The following IGFBP5 variants were observed in gnomAD, a reference collection of about 807,000 sequenced individuals.
IGFBP5 encodes insulin-like growth factor-binding protein 5.
Under a neutral mutation model 28.0 loss-of-function variants are expected in IGFBP5, and 12 were observed. The observed-to-expected ratio is 0.43, with a 90% CI of 0.27 to 0.69. The LOEUF is 0.69. Ranked by LOEUF, IGFBP5 falls within the 30% of genes least tolerant of loss-of-function variation. The pLI is 0.20. For missense variants in IGFBP5, 344 were observed against 381.6 expected (o/e 0.90, Z 0.82); for synonymous variants, 152 against 150.2 (o/e 1.01, Z -0.09).
intron 1 of IGFBP5, among the ~76,000 whole-genome samples, chr2:216,686,463 G>C (rs1689035488): frequency 6.6e-6 from 1 of 151,918 alleles, no homozygotes; most frequent in Admixed American, 6.6e-5. Flanking sequence ...TACATAAAAT[G>C]AAATATTAGC....
chr2:216,687,873 G>A (rs934149463), intron 1 of IGFBP5, among the ~76,000 whole-genome samples: 8 of 152,154 alleles, frequency 5.3e-5, no homozygotes, highest in African/African-American at 1.7e-4. Flanking sequence ...TAGGGTTTAC[G>A]CTTCTCTCCT....
chr2:216,681,120 G>A (rs1362274962), intron 1 of IGFBP5, among the ~76,000 whole-genome samples: 1 of 152,172 alleles, frequency 6.6e-6, no homozygotes, highest in Non-Finnish European at 1.5e-5. Flanking sequence ...TAGTAACACA[G>A]GCCTCACGCC....
At position 216,694,535 on chromosome 2, in the gene IGFBP5, G is replaced by A. The variant is rs1208826105; in HGVS notation, c.241C>T (p.Leu81Phe). 2.9e-5 allele frequency: 46 copies of A among 1,577,322 alleles called. No homozygotes were observed. The highest frequency in any genetic ancestry group is 3.5e-5 in the Non-Finnish European group (41 of 1,164,824). ...GGCTTCTCCTCGTCCTGCCGGGGGAGGCAGCGCAGCCCCTGGGCGCAGCGC... is the reference window on the plus strand; with the variant it reads ...GGCTTCTCCTCGTCCTGCCGGGGGAAGCAGCGCAGCCCCTGGGCGCAGCGC... ...TERCAQGLRC[L>F]PRQDEEKPLH... The change falls in exon 1 of 4, where the codon CTC becomes TTC. Residue 81 changes from leucine to phenylalanine, a missense_variant. By Grantham distance (22) the Leu-to-Phe change is conservative. This residue lies in a region of IGFBP5 where 304 missense variants were observed against 329.2 expected (regional missense o/e 0.92). Transcript: ENST00000233813. This position sits in a 1 kb window ranked among gnomAD's most constrained non-coding sequence, Gnocchi z 5.2.
At chr2:216,687,180 C>G (rs1689042299) in intron 1 of IGFBP5, among the ~76,000 whole-genome samples, 1 of 152,170 alleles carries the variant, frequency 6.6e-6, no homozygotes, top group Admixed American at 6.5e-5. Context: ...CGACCTTTGT[C>G]TCTGGGGGTC....
intron 3 of IGFBP5, 91 bp from the exon 4 acceptor site, chr2:216,676,973 ACT>A: frequency 1.4e-6 from 2 of 1,429,388 alleles, no homozygotes; most frequent in Non-Finnish European, 1.9e-6. Context: ...CCAAGGCAAG[ACT>A]CTCATCCCCA....
rs11575151 is a variant in IGFBP5 at position 216,687,104 on chromosome 2, C to T, written c.337+7335G>A. On this transcript the variant is annotated intron_variant, in intron 1 of 3. Coordinates refer to ENST00000233813, the MANE Select transcript of IGFBP5 (RefSeq NM_000599.4). ...GCTGTGACACCTGGTTGACAGACGC[C>T]TACTTGTAGACCACAAGATCTGAGG... 5.6e-3 allele frequency among the ~76,000 whole-genome samples: 858 copies of T among 152,276 alleles called. 15 individuals carry two copies. Among genetic ancestry groups the T allele is most frequent in the African/African-American group, 0.019 (796 of 41,562 alleles).
At position 216,679,119 on chromosome 2, in the gene IGFBP5, A is replaced by C; in HGVS notation, c.338-40T>G. ...GCCGGAGGGTCAGCCCCCGTGGGCC[A>C]AGGTGCACACGGCCAGAGCCCAGGG... On this transcript the variant is annotated intron_variant, in intron 1 of 3. Coordinates refer to ENST00000233813, the MANE Select transcript of IGFBP5 (RefSeq NM_000599.4). This position sits in a 1 kb window ranked among gnomAD's most constrained non-coding sequence, Gnocchi z 4.6. The C allele has an allele frequency of 1.9e-6, 3 of 1,555,964 alleles. No individual in the cohort carries two copies. Among genetic ancestry groups the C allele is most frequent in the South Asian group, 1.1e-5 (1 of 89,818 alleles).
rs1245038993 is a variant in IGFBP5, at chr2:216,676,083, G to A, written c.*668C>T. 6.6e-6 allele frequency: 1 copy of A among 152,622 alleles called. No individual in the cohort carries two copies. The highest frequency in any genetic ancestry group is 1.5e-5 in the Non-Finnish European group (1 of 68,032). 9.5% of individuals were successfully genotyped at this position (152,622 alleles called of 1,614,324 possible). A position where few individuals can be genotyped will look rare whatever the true frequency, so the allele number is the denominator to read the frequency against. On this transcript the variant is annotated 3_prime_UTR_variant, in exon 4 of 4. Coordinates refer to ENST00000233813, the MANE Select transcript of IGFBP5 (RefSeq NM_000599.4). ...GAATTTGTTTTGCTTTCAGAGGAAT[G>A]GAATGCATTTTAGTTTTTATAAATT...
At chr2:216,686,811 C>A (rs1689039230) in intron 1 of IGFBP5, among the ~76,000 whole-genome samples, 1 of 151,706 alleles carries the variant, frequency 6.6e-6, no homozygotes, top group Non-Finnish European at 1.5e-5. Flanking sequence ...GGACTAAAGG[C>A]ATGCAGCACC....
At chr2:216,682,317 C>A (rs551956075) in intron 1 of IGFBP5, among the ~76,000 whole-genome samples, 28 of 152,268 alleles carry the variant, frequency 1.8e-4, no homozygotes, top group African/African-American at 6.7e-4. Context: ...GGAGCCAGGG[C>A]AGAGCCATGG....
chr2:216,688,233 T>G (rs946219301), intron 1 of IGFBP5, among the ~76,000 whole-genome samples: 2 of 152,244 alleles, frequency 1.3e-5, no homozygotes, highest in African/African-American at 4.8e-5. Context: ...CTCTGCTTTT[T>G]CAACTGTAAA....
chr2:216,678,255 G>T (rs578023164), intron 2 of IGFBP5, 24 bp from the exon 3 acceptor site: 1 of 1,505,364 alleles, frequency 6.6e-7, no homozygotes, highest in Middle Eastern at 2.0e-4. Context: ...AGGGTGAGAG[G>T]CGTGGCGAGA....
In IGFBP5 at chr2:216,673,528, C is replaced by T. The variant is rs1329763802; in HGVS notation, c.*3223G>A. The T allele has an allele frequency of 6.6e-6, 1 of 152,364 alleles. No individual in the cohort carries two copies. The highest frequency in any genetic ancestry group is 1.5e-5 in the Non-Finnish European group (1 of 68,196). 9.4% of individuals were successfully genotyped at this position (152,364 alleles called of 1,614,324 possible). A position where few individuals can be genotyped will look rare whatever the true frequency, so the allele number is the denominator to read the frequency against. On this transcript the variant is annotated 3_prime_UTR_variant, in exon 4 of 4. Coordinates refer to ENST00000233813, the MANE Select transcript of IGFBP5 (RefSeq NM_000599.4). This position sits in a 1 kb window ranked among gnomAD's most constrained non-coding sequence, Gnocchi z 4.3. ...GTGGGAAAGACAGAGGCATCTTCCT[C>T]ACTGGTGGAGTGAGGCACGAATCTA... is the stretch of plus-strand genomic sequence containing the variant.
At position 216,686,382 on chromosome 2, in the gene IGFBP5, G is replaced by A. The variant is rs11575154; in HGVS notation, c.338-7303C>T. Among the ~76,000 whole-genome samples the A allele has an allele frequency of 8.0e-3, 1,211 of 152,284 alleles. 18 individuals are homozygous for A. Among genetic ancestry groups the A allele is most frequent in the Non-Finnish European group, 8.9e-3 (603 of 68,026 alleles). On this transcript the variant is annotated intron_variant, in intron 1 of 3. Transcript: ENST00000233813. ...AACCTTCAGCTGTCCTTTCTGGGAGGAAGATGAAGCTGTTGACAATAGCTC... is the reference window on the plus strand; with the variant it reads ...AACCTTCAGCTGTCCTTTCTGGGAGAAAGATGAAGCTGTTGACAATAGCTC...
chr2:216,689,045 T>C (rs552245534), intron 1 of IGFBP5, among the ~76,000 whole-genome samples: 5 of 152,338 alleles, frequency 3.3e-5, no homozygotes, highest in African/African-American at 1.2e-4. Flanking sequence ...TTTGGTGGTA[T>C]ATGGTTTTCC....
In IGFBP5 at chr2:216,674,207, G is replaced by T. The variant is rs926862557; in HGVS notation, c.*2544C>A. On this transcript the variant is annotated 3_prime_UTR_variant, in exon 4 of 4. Coordinates refer to ENST00000233813, the MANE Select transcript of IGFBP5 (RefSeq NM_000599.4). This position sits in a 1 kb window ranked among gnomAD's most constrained non-coding sequence, Gnocchi z 4.4. ...AGATCCTAGTTGGATAACTGCTCAA[G>T]ATGCAAAGGGAGAATGGGTGGAAAG... 4 of 153,118 alleles carry T rather than the reference G, an allele frequency of 2.6e-5. No individual in the cohort carries two copies. In the South Asian group the frequency reaches 8.3e-4, roughly 32 times the overall value. The allele number at this position is 153,118 out of a possible 1,614,324, so 9.5% of individuals were successfully genotyped here. A position where few individuals can be genotyped will look rare whatever the true frequency, so the allele number is the denominator to read the frequency against.
chr2:216,677,008 G>A (rs1688908765), intron 3 of IGFBP5, 126 bp from the exon 4 acceptor site: 6 of 1,000,454 alleles, frequency 6.0e-6, no homozygotes, highest in South Asian at 2.0e-5. Flanking sequence ...CACTAGACCC[G>A]ACCCTTGGGT....
At position 216,694,299 on chromosome 2, in the gene IGFBP5, G is replaced by A. The variant is rs1174756396; in HGVS notation, c.337+140C>T. On this transcript the variant is annotated intron_variant, in intron 1 of 3. Transcript: ENST00000233813. This position sits in a 1 kb window ranked among gnomAD's most constrained non-coding sequence, Gnocchi z 5.2. ...AGGATCCTCCAGGGCTCCAATTCCG[G>A]GGTGCAAGGACCCTCCCCGACTACT... is the stretch of plus-strand genomic sequence containing the variant. The A allele has an allele frequency of 3.1e-6, 2 of 648,152 alleles. No homozygotes were observed. Among genetic ancestry groups the A allele is most frequent in the Non-Finnish European group, 5.0e-6 (2 of 400,622 alleles). 40.2% of individuals were successfully genotyped at this position (648,152 alleles called of 1,614,324 possible).
chr2:216,692,613 G>T lies in IGFBP5; in HGVS notation c.337+1826C>A, dbSNP rs1456099426. 6.6e-6 allele frequency among the ~76,000 whole-genome samples: 1 copy of T among 152,112 alleles called. No homozygotes were observed. Among genetic ancestry groups the T allele is most frequent in the African/African-American group, 2.4e-5 (1 of 41,428 alleles). On this transcript the variant is annotated intron_variant, in intron 1 of 3. Coordinates refer to ENST00000233813, the MANE Select transcript of IGFBP5 (RefSeq NM_000599.4). This position sits in a 1 kb window ranked among gnomAD's most constrained non-coding sequence, Gnocchi z 4.2. ...AAATCAATTAATGTTTTCCTTCTCC[G>T]CTAGGCTTTTCCAAATCCACATCCC...
Sources: gnomAD v4.1 joint callset for allele counts (sites outside exome capture counted in the v4.1 genomes callset) on GRCh38, gnomAD v4.1.1 for gene constraint, gnomAD v4.1.1 regional missense constraint, Gnocchi (gnomAD v3.1) non-coding constraint, MANE v1.5 for transcripts, NCBI Gene and HGNC (gene_info 2026-07-23, HGNC 2026-07-21) for gene names.